The following BBS5 variants were observed in gnomAD, a reference collection of about 807,000 sequenced individuals.
BBS5 encodes BBSome complex member BBS5.
In BBS5, 39 loss-of-function variants were observed where a neutral mutation model predicts 50.2. That is an observed-to-expected ratio of 0.78 (90% CI 0.60 to 1.01). BBS5 has a LOEUF of 1.01. Among genes scored for constraint, BBS5 ranks in the 50% least tolerant of loss-of-function variants. The probability of loss-of-function intolerance (pLI) is 0.00; values close to 1 mark genes in which losing one functional copy is unlikely to be tolerated. For synonymous variants in BBS5, 134 were observed against 133.1 expected (o/e 1.01, Z -0.05); for missense variants, 356 against 401.5 (o/e 0.89, Z 0.97).
intron 2 of BBS5, among the ~76,000 whole-genome samples, chr2:169,486,565 C>T (rs1683491385): frequency 6.6e-6 from 1 of 152,106 alleles, no homozygotes; most frequent in Admixed American, 6.5e-5. Context: ...TTCTTAGGAA[C>T]AAAATAGTTT....
At chr2:169,487,435 G>A (rs1211764316) in intron 3 of BBS5, among the ~76,000 whole-genome samples, 1 of 151,988 alleles carries the variant, frequency 6.6e-6, no homozygotes, top group Non-Finnish European at 1.5e-5. Flanking sequence ...TCTAATAAAA[G>A]TATAATCTTT....
intron 2 of BBS5, among the ~76,000 whole-genome samples, chr2:169,485,358 T>C (rs1314000286): frequency 6.9e-6 from 1 of 144,522 alleles, no homozygotes; most frequent in East Asian, 2.0e-4. Context: ...AAACAAAAAG[T>C]TTAAAGTAGA....
At chr2:169,498,793 C>T (rs1683743894) in intron 8 of BBS5, among the ~76,000 whole-genome samples, 1 of 135,724 alleles carries the variant, frequency 7.4e-6, no homozygotes, top group Admixed American at 8.1e-5. Context: ...GCCGACAGAG[C>T]GAGACTCTGT....
intron 5 of BBS5, among the ~76,000 whole-genome samples, chr2:169,488,803 C>T (rs2105295291): frequency 6.6e-6 from 1 of 152,298 alleles, no homozygotes; most frequent in East Asian, 1.9e-4. Flanking sequence ...TTTCTACTGA[C>T]AACCAGATTA....
chr2:169,488,287 C>T (rs1253783245), intron 5 of BBS5, among the ~76,000 whole-genome samples, 173 bp downstream of exon 5: 2 of 152,138 alleles, frequency 1.3e-5, no homozygotes, highest in Admixed American at 1.3e-4. Flanking sequence ...ATTTATTGTG[C>T]ACTTTATTTC....
Position 169,504,822 on chromosome 2 carries a change from C to A in BBS5, c.*240C>A. On this transcript the variant is annotated 3_prime_UTR_variant, in exon 12 of 12. Coordinates refer to ENST00000295240, the MANE Select transcript of BBS5 (RefSeq NM_152384.3). The stretch of plus-strand genomic sequence containing the variant: ...CGTCCGGCCGCGGCGCTGGCTTAAG[C>A]CATGGCTGAGGGTAGCTGGATTCCT... The A allele has an allele frequency of 1.9e-6, 3 of 1,596,300 alleles. No individual in the cohort carries two copies. The highest frequency in any genetic ancestry group is 2.6e-6 in the Non-Finnish European group (3 of 1,170,270).
intron 8 of BBS5, among the ~76,000 whole-genome samples, chr2:169,498,724 G>T (rs757800722): frequency 1.3e-5 from 2 of 151,178 alleles, no homozygotes; most frequent in Non-Finnish European, 2.9e-5. Context: ...GGAGAATGGC[G>T]CGAACCCGGG....
In BBS5 at chr2:169,487,663, C is replaced by G. The variant is rs1574336891; in HGVS notation, c.209-143C>G. 3 of 559,692 alleles carry G rather than the reference C, an allele frequency of 5.4e-6. No homozygotes were observed. In the East Asian group the frequency reaches 9.3e-5, roughly 17 times the overall value. 34.7% of individuals were successfully genotyped at this position (559,692 alleles called of 1,614,324 possible). On this transcript the variant is annotated intron_variant, in intron 3 of 11. Coordinates refer to ENST00000295240, the MANE Select transcript of BBS5 (RefSeq NM_152384.3). ...TTAATTATTTAATTTATAGTTATTT[C>G]TTTAAAACTTTTAAAAGTTTATTTC...
At chr2:169,481,171 TGTG>T (rs951291641) in intron 1 of BBS5, among the ~76,000 whole-genome samples, 85 of 152,170 alleles carry the variant, frequency 5.6e-4, no homozygotes, top group African/African-American at 2.0e-3. Context: ...CTATAATAAA[TGTG>T]GTAAATACCA....
intron 5 of BBS5, among the ~76,000 whole-genome samples, chr2:169,492,267 A>G (rs912199388): frequency 6.6e-5 from 10 of 151,652 alleles, no homozygotes; most frequent in African/African-American, 1.7e-4. Flanking sequence ...CGAGGCGGGC[A>G]GATCACGAGG....
At chr2:169,487,191 G>A in intron 3 of BBS5, 57 bp downstream of exon 3, 3 of 1,152,576 alleles carry the variant, frequency 2.6e-6, no homozygotes, top group Non-Finnish European at 1.3e-6. Flanking sequence ...AGGTGAATTT[G>A]CATGGTGCCT....
intron 5 of BBS5, among the ~76,000 whole-genome samples, chr2:169,489,354 T>C (rs1256974374): frequency 1.3e-5 from 2 of 151,714 alleles, no homozygotes; most frequent in African/African-American, 2.4e-5. Context: ...TCCCAGCTAC[T>C]CTGGAGGCTG....
intron 5 of BBS5, among the ~76,000 whole-genome samples, chr2:169,490,187 A>AT (rs1189751993): frequency 0.085 from 6,753 of 79,356 alleles, 656 homozygotes; most frequent in Middle Eastern, 0.12. Flanking sequence ...TGAAATGTGC[A>AT]TTTTTTTTTT....
At chr2:169,491,706 C>T (rs1207200594) in intron 5 of BBS5, among the ~76,000 whole-genome samples, 1 of 151,968 alleles carries the variant, frequency 6.6e-6, no homozygotes, top group Non-Finnish European at 1.5e-5. Flanking sequence ...CCCCTTCTCC[C>T]CTTAGGGTCC....
intron 2 of BBS5, among the ~76,000 whole-genome samples, chr2:169,484,500 G>GA (rs1264390535): frequency 6.6e-6 from 1 of 152,126 alleles, no homozygotes; most frequent in African/African-American, 2.4e-5. Context: ...AATGGAAGGG[G>GA]AATCCTGCCT....
At chr2:169,487,471 T>G (rs1683505940) in intron 3 of BBS5, among the ~76,000 whole-genome samples, 1 of 152,082 alleles carries the variant, frequency 6.6e-6, no homozygotes, top group Admixed American at 6.5e-5. Flanking sequence ...TTGTTTCACT[T>G]ATTTTTTTAA....
At chr2:169,485,437 C>T (rs1045374786) in intron 2 of BBS5, among the ~76,000 whole-genome samples, 12 of 152,168 alleles carry the variant, frequency 7.9e-5, no homozygotes, top group South Asian at 2.1e-4. Flanking sequence ...TCCAAGGTCA[C>T]GTAGCTAGGT....
At chr2:169,501,856 C>T (rs78129402) in intron 9 of BBS5, among the ~76,000 whole-genome samples, 55 of 152,242 alleles carry the variant, frequency 3.6e-4, no homozygotes, top group African/African-American at 1.3e-3. Context: ...AGTTGCCCTA[C>T]GCATTCTCTA....
intron 9 of BBS5, among the ~76,000 whole-genome samples, chr2:169,500,980 G>A (rs1683791055): frequency 6.6e-6 from 1 of 152,074 alleles, no homozygotes; most frequent in Non-Finnish European, 1.5e-5. Context: ...TCAGCTTATG[G>A]TTCCAAATAC....
Sources: gnomAD v4.1 joint callset for allele counts (sites outside exome capture counted in the v4.1 genomes callset) on GRCh38, gnomAD v4.1.1 for gene constraint, MANE v1.5 for transcripts, NCBI Gene and HGNC (gene_info 2026-07-23, HGNC 2026-07-21) for gene names.